The following ASXL1 variants were observed in gnomAD, a reference collection of about 807,000 sequenced individuals.
ASXL1 encodes the protein ASXL transcriptional regulator 1.
Under a neutral mutation model 89.1 loss-of-function variants are expected in ASXL1, and 65 were observed. The ratio of observed to expected loss-of-function variants is 0.73; its 90% CI spans 0.60 to 0.90. The LOEUF (loss-of-function observed/expected upper bound fraction) is 0.90, where lower values mean the gene tolerates loss of function less well. ASXL1 is among the 40% of genes least tolerant of loss of function. ASXL1 has a pLI of 0.00. For synonymous variants in ASXL1, 739 were observed against 746.9 expected, an observed-to-expected ratio of 0.99 and a Z score of 0.17; for missense variants, 1,786 against 1,942.9, an observed-to-expected ratio of 0.92 and a Z score of 1.52.
In ASXL1 at chr20:32,436,949, T is replaced by C; in HGVS notation, c.4237T>C (p.Leu1413=). The change falls in exon 13 of 13, where the codon TTA becomes CTA. Residue 1413 remains leucine (L), a synonymous_variant. Transcript: ENST00000375687. The part of the protein sequence containing the change: ...PFVMDLPFWK[L]PREPGKGLSE... ...TGTCATGGACTTGCCCTTCTGGAAA[T>C]TACCCCGAGAGCCAGGGAAGGGGCT... The C allele has an allele frequency of 6.2e-7, 1 of 1,614,128 alleles. No homozygotes were observed. Among genetic ancestry groups the C allele is most frequent in the African/African-American group, 1.3e-5 (1 of 75,034 alleles).
intron 2 of ASXL1, among the ~76,000 whole-genome samples, chr20:32,367,064 C>G (rs978531139): frequency 1.4e-5 from 2 of 143,904 alleles, no homozygotes; most frequent in Non-Finnish European, 3.0e-5. Context: ...TTTCCTCATC[C>G]TAACTTCAAA....
chr20:32,383,510 T>C (rs1183442903), intron 4 of ASXL1, among the ~76,000 whole-genome samples: 1 of 152,080 alleles, frequency 6.6e-6, no homozygotes, highest in Admixed American at 6.6e-5. Context: ...GGTTTCACTG[T>C]GTTTGCCAGG....
chr20:32,420,103 G>T (rs1217824542), intron 4 of ASXL1, among the ~76,000 whole-genome samples: 4 of 151,040 alleles, frequency 2.6e-5, no homozygotes, highest in African/African-American at 9.7e-5. Context: ...TACTAGGTCT[G>T]AGTCTCTTGG....
At chr20:32,371,298 T>A (rs928253471) in intron 4 of ASXL1, among the ~76,000 whole-genome samples, 3 of 152,150 alleles carry the variant, frequency 2.0e-5, no homozygotes, top group Non-Finnish European at 4.4e-5. Context: ...ATATTATCTA[T>A]TTTTTGAGAT....
At chr20:32,411,588 C>T (rs1260085621) in intron 4 of ASXL1, among the ~76,000 whole-genome samples, 2 of 138,934 alleles carry the variant, frequency 1.4e-5, no homozygotes, top group Non-Finnish European at 3.0e-5. Flanking sequence ...GTTGCCCAGG[C>T]TGGAGTGCAG....
At chr20:32,389,286 T>C (rs1487345184) in intron 4 of ASXL1, among the ~76,000 whole-genome samples, 2 of 152,232 alleles carry the variant, frequency 1.3e-5, no homozygotes, top group Non-Finnish European at 2.9e-5. Flanking sequence ...TTGGTGCATT[T>C]ATAGAAATAC....
intron 4 of ASXL1, among the ~76,000 whole-genome samples, chr20:32,419,111 T>C (rs2049193664): frequency 6.6e-6 from 1 of 151,762 alleles, no homozygotes; most frequent in African/African-American, 2.4e-5. Flanking sequence ...GATTACAGGC[T>C]TGAGCCACCA....
intron 4 of ASXL1, among the ~76,000 whole-genome samples, chr20:32,386,932 T>TAA: frequency 6.6e-6 from 1 of 152,226 alleles, no homozygotes; most frequent in East Asian, 1.9e-4. Flanking sequence ...GAAATGATTT[T>TAA]ACAGTTTTTC....
chr20:32,377,158 TATAA>T (rs1279877846), intron 4 of ASXL1, among the ~76,000 whole-genome samples: 4 of 143,724 alleles, frequency 2.8e-5, no homozygotes, highest in African/African-American at 1.0e-4. Context: ...TACAGATATC[TATAA>T]ATATATTATA....
At chr20:32,419,178 A>G (rs2049194838) in intron 4 of ASXL1, among the ~76,000 whole-genome samples, 2 of 151,764 alleles carry the variant, frequency 1.3e-5, no homozygotes, top group Non-Finnish European at 2.9e-5. Flanking sequence ...AGAACATGGT[A>G]TAGCTCTCCA....
At chr20:32,433,121 C>G in intron 11 of ASXL1, 136 bp downstream of exon 11, 4 of 1,529,022 alleles carry the variant, frequency 2.6e-6, no homozygotes, top group Non-Finnish European at 3.5e-6. Context: ...TATCTTAATG[C>G]CATTCATAGT....
At chr20:32,401,522 A>ATGTGTGTG (rs1278707742) in intron 4 of ASXL1, among the ~76,000 whole-genome samples, 5 of 126,724 alleles carry the variant, frequency 3.9e-5, no homozygotes, top group African/African-American at 1.5e-4. Context: ...TGAACCATAT[A>ATGTGTGTG]TGTGTGTGTG....
At chr20:32,401,550 TCCCC>T (rs71187117) in intron 4 of ASXL1, among the ~76,000 whole-genome samples, 5 of 129,952 alleles carry the variant, frequency 3.8e-5, no homozygotes, top group African/African-American at 1.0e-4. Flanking sequence ...GTGTGTTTTT[TCCCC>T]CCCCCCCTTT....
chr20:32,383,928 C>T (rs1278186407), intron 4 of ASXL1, among the ~76,000 whole-genome samples: 1 of 152,156 alleles, frequency 6.6e-6, no homozygotes, highest in Non-Finnish European at 1.5e-5. Context: ...GGCATCTTTC[C>T]TCCATCCCAG....
chr20:32,433,933 A>G lies in ASXL1; in HGVS notation c.1719+16A>G, dbSNP rs2123272270. The G allele has an allele frequency of 6.2e-7, 1 of 1,611,780 alleles. No individual in the cohort carries two copies. The highest frequency in any genetic ancestry group is 8.5e-7 in the Non-Finnish European group (1 of 1,180,012). ...GCCCATCCGGGTAGGAGACTGTTTG[A>G]TTCCTGGCTGCCCTGGAGCCAGGTT... On this transcript the variant is annotated intron_variant, in intron 12 of 12. Coordinates refer to ENST00000375687, the MANE Select transcript of ASXL1 (RefSeq NM_015338.6).
chr20:32,409,726 G>A (rs2049013318), intron 4 of ASXL1, among the ~76,000 whole-genome samples: 1 of 151,712 alleles, frequency 6.6e-6, no homozygotes, highest in African/African-American at 2.4e-5. Context: ...CTCCAGCCTG[G>A]GCAACAATAG....
At chr20:32,383,327 G>A (rs1277555202) in intron 4 of ASXL1, among the ~76,000 whole-genome samples, 2 of 150,436 alleles carry the variant, frequency 1.3e-5, no homozygotes, top group Admixed American at 1.3e-4. Flanking sequence ...TTTCTTTTGA[G>A]ACGGAGTCTG....
intron 1 of ASXL1, 133 bp from the exon 2 acceptor site, chr20:32,366,251 A>G (rs199829221): frequency 3.9e-6 from 3 of 761,080 alleles, no homozygotes; most frequent in East Asian, 5.3e-5. Context: ...TTGATTTCTG[A>G]AGTAATTTTA....
In ASXL1 at chr20:32,366,617, C is replaced by T. The variant is rs775963355; in HGVS notation, c.140+151C>T. ...ACTATCCATTTCCCAAATTGTGTGT[C>T]GTCTCAGTGGAGGGTGGCAGTGGGT... is the stretch of plus-strand genomic sequence containing the variant. On this transcript the variant is annotated intron_variant, in intron 2 of 12. Transcript: ENST00000375687. The T allele has an allele frequency of 1.2e-5, 18 of 1,501,354 alleles. No homozygotes were observed. In the South Asian group the frequency reaches 1.2e-4, roughly 10 times the overall value. The allele number at this position is 1,501,354 out of a possible 1,614,324, so 93.0% of individuals were successfully genotyped here.
Sources: allele counts gnomAD v4.1 joint callset (sites outside exome capture counted in the v4.1 genomes callset), GRCh38; gene constraint gnomAD v4.1.1; transcripts MANE v1.5; gene names NCBI Gene and HGNC (gene_info 2026-07-23, HGNC 2026-07-21).